Variants in CHN2 observed in about 807,000 individuals in gnomAD.
CHN2 encodes beta-chimaerin.
CHN2 carries 35 observed loss-of-function variants against 56.3 expected under a neutral mutation model. The ratio of observed to expected loss-of-function variants is 0.62; its 90% CI spans 0.47 to 0.82. The LOEUF (loss-of-function observed/expected upper bound fraction) is 0.82, where lower values mean the gene tolerates loss of function less well. Ranked by LOEUF, CHN2 falls within the 40% of genes least tolerant of loss-of-function variation. CHN2 has a pLI of 0.00. For missense variants in CHN2, 491 were observed against 580.5 expected, an observed-to-expected ratio of 0.85 and a Z score of 1.58; for synonymous variants, 210 against 212.8, an observed-to-expected ratio of 0.99 and a Z score of 0.12.
intron 1 of CHN2, among the ~76,000 whole-genome samples, chr7:29,302,500 CT>C (rs70980525): frequency 0.27 from 32,046 of 117,528 alleles, 4,201 homozygotes; most frequent in Middle Eastern, 0.33. Context: ...AATTTTAATT[CT>C]TTTTTTTTTT....
chr7:29,192,764 A>G (rs1783058449), upstream of CHN2: 1 of 152,216 alleles, frequency 6.6e-6, no homozygotes, highest in African/African-American at 2.4e-5. Flanking sequence ...AATTTGCTCA[A>G]GTTCGCAGCT....
intron 1 of CHN2, among the ~76,000 whole-genome samples, chr7:29,248,911 C>G (rs39097): frequency 0.52 from 79,073 of 152,042 alleles, 22,067 homozygotes; most frequent in East Asian, 0.92. Flanking sequence ...TGTGCCCTCT[C>G]TCATCACCAG....
intron 6 of CHN2, among the ~76,000 whole-genome samples, chr7:29,404,774 A>G (rs139861435): frequency 0.014 from 2,059 of 152,330 alleles, 61 homozygotes; most frequent in African/African-American, 0.047. Context: ...TTTATTGCCC[A>G]GGCTGGTCTC....
intron 6 of CHN2, among the ~76,000 whole-genome samples, chr7:29,458,188 A>G (rs957164906): frequency 1.3e-5 from 2 of 152,198 alleles, no homozygotes; most frequent in African/African-American, 4.8e-5. Flanking sequence ...CTGTTTTCAT[A>G]GGTGTGGTTA....
intron 2 of CHN2, among the ~76,000 whole-genome samples, chr7:29,184,230 G>A (rs1798433878): frequency 6.7e-6 from 1 of 150,210 alleles, no homozygotes; most frequent in Admixed American, 6.7e-5. Flanking sequence ...AATATATATA[G>A]GAGATATACA....
At chr7:29,251,497 C>A (rs1011470716) in intron 1 of CHN2, among the ~76,000 whole-genome samples, 1 of 151,992 alleles carries the variant, frequency 6.6e-6, no homozygotes, top group Non-Finnish European at 1.5e-5. Context: ...AAATAAAATA[C>A]CTGCCTTCTA....
intron 1 of CHN2, among the ~76,000 whole-genome samples, chr7:29,238,015 C>CTTTTTTTTTTTTTTTTTTTTTT (rs11405147): frequency 9.4e-6 from 1 of 106,004 alleles, no homozygotes. Flanking sequence ...TATGTATTCT[C>CTTTTTTTTTTTTTTTTTTTTTT]TTTTTTTTTT....
chr7:29,390,468 C>A (rs1048694241), intron 3 of CHN2, among the ~76,000 whole-genome samples: 1 of 152,198 alleles, frequency 6.6e-6, no homozygotes, highest in Non-Finnish European at 1.5e-5. Context: ...CAGAACCAGT[C>A]TTCATTCTTG....
intron 3 of CHN2, chr7:29,376,540 C>T (rs1300505662): frequency 6.6e-6 from 1 of 152,202 alleles, no homozygotes; most frequent in Non-Finnish European, 1.5e-5. Flanking sequence ...TGTGTTTTAG[C>T]GAGCTCTTCA....
chr7:29,201,420 T>C (rs1019732501), intron 1 of CHN2, among the ~76,000 whole-genome samples: 1 of 152,138 alleles, frequency 6.6e-6, no homozygotes, highest in African/African-American at 2.4e-5. Context: ...GTAGACTTTT[T>C]TTTTTTTCTC....
intron 6 of CHN2, among the ~76,000 whole-genome samples, chr7:29,450,665 T>C (rs1784342695): frequency 6.6e-6 from 1 of 152,244 alleles, no homozygotes; most frequent in African/African-American, 2.4e-5. Flanking sequence ...TGTATGAGAA[T>C]AAGTTTGCCT....
chr7:29,433,954 C>G (rs1005992890), intron 6 of CHN2, among the ~76,000 whole-genome samples: 5 of 151,964 alleles, frequency 3.3e-5, no homozygotes, highest in African/African-American at 1.2e-4. Context: ...AGGAATCTAT[C>G]TTACAGTTCT....
intron 1 of CHN2, among the ~76,000 whole-genome samples, chr7:29,345,109 G>C (rs1218853078): frequency 6.6e-6 from 1 of 152,190 alleles, no homozygotes; most frequent in Non-Finnish European, 1.5e-5. Context: ...CACATGCTCT[G>C]GCTTGGGGCT....
intron 2 of CHN2, among the ~76,000 whole-genome samples, chr7:29,358,978 A>G (rs1021361848): frequency 5.9e-5 from 9 of 152,120 alleles, no homozygotes; most frequent in African/African-American, 2.2e-4. Context: ...TACTCTTACT[A>G]TGTTCTTCCC....
intron 6 of CHN2, among the ~76,000 whole-genome samples, chr7:29,463,495 A>G (rs1785326900): frequency 6.6e-6 from 1 of 152,122 alleles, no homozygotes; most frequent in Non-Finnish European, 1.5e-5. Context: ...AGAGCGCAAC[A>G]GTTTTCTGGA....
At chr7:29,197,408 C>T (rs1364369543) in intron 1 of CHN2, among the ~76,000 whole-genome samples, 1 of 152,190 alleles carries the variant, frequency 6.6e-6, no homozygotes, top group Non-Finnish European at 1.5e-5. Flanking sequence ...CCTCAATTTC[C>T]TCTTTTGTAA....
intron 6 of CHN2, among the ~76,000 whole-genome samples, chr7:29,408,913 G>A (rs948957180): frequency 2.6e-5 from 4 of 152,114 alleles, no homozygotes; most frequent in South Asian, 2.1e-4. Context: ...TTAGAGACAC[G>A]GCTCCCGAGA....
At chr7:29,356,893 A>G (rs939883739) in intron 2 of CHN2, among the ~76,000 whole-genome samples, 3 of 152,238 alleles carry the variant, frequency 2.0e-5, no homozygotes, top group East Asian at 1.9e-4. Flanking sequence ...TGGGTGTTCC[A>G]TGACTTACTG....
intron 7 of CHN2, among the ~76,000 whole-genome samples, chr7:29,481,486 C>T (rs1027265493): frequency 2.6e-5 from 4 of 152,118 alleles, no homozygotes; most frequent in Non-Finnish European, 4.4e-5. Context: ...AAGCCAGCAG[C>T]TCAGGCATTT....
Sources: gnomAD v4.1 joint callset for allele counts (sites outside exome capture counted in the v4.1 genomes callset) on GRCh38, gnomAD v4.1.1 for gene constraint, MANE v1.5 for transcripts, NCBI Gene and HGNC (gene_info 2026-07-23, HGNC 2026-07-21) for gene names.